TSPAN33: variants seen among roughly 807,000 people sequenced by gnomAD.
TSPAN33 encodes the protein tetraspanin-33.
TSPAN33 carries 27 observed loss-of-function variants against 34.8 expected under a neutral mutation model. That is an observed-to-expected ratio of 0.78 (90% CI 0.57 to 1.07). The LOEUF (loss-of-function observed/expected upper bound fraction) is 1.07, where lower values mean the gene tolerates loss of function less well. Ranked by LOEUF, TSPAN33 falls within the 50% of genes least tolerant of loss-of-function variation. The probability of loss-of-function intolerance (pLI) is 0.00; values close to 1 mark genes in which losing one functional copy is unlikely to be tolerated. For synonymous variants in TSPAN33, 119 were observed against 124.2 expected, an observed-to-expected ratio of 0.96 and a Z score of 0.28; for missense variants, 272 against 324.9, an observed-to-expected ratio of 0.84 and a Z score of 1.25.
chr7:129,146,542 G>T (rs972068272), intron 1 of TSPAN33, among the ~76,000 whole-genome samples: 1 of 152,198 alleles, frequency 6.6e-6, no homozygotes, highest in Non-Finnish European at 1.5e-5. Context: ...GCCGCTGGGG[G>T]AAGTCCTCAG....
intron 1 of TSPAN33, among the ~76,000 whole-genome samples, chr7:129,151,608 T>G (rs1033799951): frequency 1.2e-4 from 18 of 152,136 alleles, no homozygotes; most frequent in African/African-American, 4.3e-4. Context: ...GAATAAGGGT[T>G]TCTCCTTTTA....
chr7:129,167,889 C>T lies in TSPAN33; in HGVS notation c.*15C>T, dbSNP rs753530656. On this transcript the variant is annotated 3_prime_UTR_variant, in exon 8 of 8. Transcript: ENST00000486685. This position sits in a 1 kb window ranked among gnomAD's most constrained non-coding sequence, Gnocchi z 4.6. ...CATGGTACTGAGAATCCATCCTGCA[C>T]CTCCTCACCATGGAAACTGGCAAGC... 8 of 1,613,222 alleles carry T rather than the reference C, an allele frequency of 5.0e-6. No individual in the cohort carries two copies. Among genetic ancestry groups the T allele is most frequent in the Non-Finnish European group, 5.9e-6 (7 of 1,179,690 alleles).
Position 129,161,740 on chromosome 7 carries a change from A to G in TSPAN33, c.160+4A>G, listed in dbSNP as rs759696996. On this transcript the variant is annotated splice_donor_region_variant and intron_variant, in intron 2 of 7. Transcript: ENST00000486685. ...GCTCGGCTAATGAAGCATGCAGGTG[A>G]GCTGTAGCTCTCCCTCCCTGCCCCC... The G allele has an allele frequency of 6.2e-7, 1 of 1,613,972 alleles. No individual in the cohort carries two copies. Among genetic ancestry groups the G allele is most frequent in the South Asian group, 1.1e-5 (1 of 91,074 alleles).
In TSPAN33 at chr7:129,167,892, C is replaced by A; in HGVS notation, c.*18C>A. The A allele has an allele frequency of 6.2e-7, 1 of 1,612,684 alleles. No individual in the cohort carries two copies. Among genetic ancestry groups the A allele is most frequent in the Non-Finnish European group, 8.5e-7 (1 of 1,179,490 alleles). On this transcript the variant is annotated 3_prime_UTR_variant, in exon 8 of 8. Coordinates refer to ENST00000486685, the MANE Select transcript of TSPAN33 (RefSeq NM_178562.5). The surrounding 1 kb of genome is among the most constrained non-coding windows in gnomAD (Gnocchi z 4.6). ...GGTACTGAGAATCCATCCTGCACCT[C>A]CTCACCATGGAAACTGGCAAGCCTC...
In TSPAN33 at chr7:129,148,419, A is replaced by G. The variant is rs1458382714; in HGVS notation, c.102+3337A>G. Among the ~76,000 whole-genome samples the G allele has an allele frequency of 6.6e-6, 1 of 151,870 alleles. No homozygotes were observed. The highest frequency in any genetic ancestry group is 2.4e-5 in the African/African-American group (1 of 41,310). On this transcript the variant is annotated intron_variant, in intron 1 of 7. Transcript: ENST00000486685. The surrounding 1 kb of genome is among the most constrained non-coding windows in gnomAD (Gnocchi z 4.2). ...CTCGAGGGTGGGCACGGCCCTATTC[A>G]CTTCTGGATCCCCAGTGCCCAGCTG...
Position 129,167,704 on chromosome 7 carries a change from A to T in TSPAN33, c.751-69A>T, listed in dbSNP as rs1351668236. On this transcript the variant is annotated intron_variant, in intron 7 of 7. Transcript: ENST00000486685. The surrounding 1 kb of genome is among the most constrained non-coding windows in gnomAD (Gnocchi z 4.6). ...AAGGGATAGTGCTGGCCGCACTGGGAAGATCGAGCCAGGGAAAACAAGGCC... is the reference window on the plus strand; with the variant it reads ...AAGGGATAGTGCTGGCCGCACTGGGTAGATCGAGCCAGGGAAAACAAGGCC... 1.3e-6 allele frequency: 2 copies of T among 1,583,554 alleles called. No individual in the cohort carries two copies. The highest frequency in any genetic ancestry group is 3.3e-5 in the Admixed American group (2 of 59,766).
intron 1 of TSPAN33, among the ~76,000 whole-genome samples, chr7:129,151,374 C>G (rs1810591558): frequency 6.6e-6 from 1 of 152,152 alleles, no homozygotes; most frequent in Non-Finnish European, 1.5e-5. Flanking sequence ...CTCACTTTGG[C>G]CTCCCAAAGT....
At chr7:129,153,118 A>C (rs1034544482) in intron 1 of TSPAN33, among the ~76,000 whole-genome samples, 1 of 152,080 alleles carries the variant, frequency 6.6e-6, no homozygotes, top group African/African-American at 2.4e-5. Flanking sequence ...TAAGTGAAAG[A>C]AGCCGGACAC....
chr7:129,162,707 C>A, intron 3 of TSPAN33, 126 bp from the exon 4 acceptor site: 1 of 1,400,982 alleles, frequency 7.1e-7, no homozygotes, highest in Non-Finnish European at 9.8e-7. Flanking sequence ...GTCCCAGAGG[C>A]AGCTGCCTTT....
rs556196758 is a variant in TSPAN33, at chr7:129,167,079, T to G, written c.588+173T>G. Among the ~76,000 whole-genome samples, 3 of 152,358 alleles carry G rather than the reference T, an allele frequency of 2.0e-5. No individual in the cohort carries two copies. Among genetic ancestry groups the G allele is most frequent in the Admixed American group, 6.5e-5 (1 of 15,304 alleles). ...GATGCTTCTATTAACCTCATACTCATGTAGTCCACATGGAGTTCAGAAGGG... is the reference window on the plus strand; with the variant it reads ...GATGCTTCTATTAACCTCATACTCAGGTAGTCCACATGGAGTTCAGAAGGG... On this transcript the variant is annotated intron_variant, in intron 6 of 7. Coordinates refer to ENST00000486685, the MANE Select transcript of TSPAN33 (RefSeq NM_178562.5). This position sits in a 1 kb window ranked among gnomAD's most constrained non-coding sequence, Gnocchi z 4.6.
chr7:129,157,343 G>A (rs1810676734), intron 1 of TSPAN33, among the ~76,000 whole-genome samples: 1 of 152,242 alleles, frequency 6.6e-6, no homozygotes, highest in East Asian at 1.9e-4. Context: ...TGGAATGGCA[G>A]TAGCTTTGAG....
rs184339174 is a variant in TSPAN33, at chr7:129,165,868, C to T, written c.460-910C>T. On this transcript the variant is annotated intron_variant, in intron 5 of 7. Coordinates refer to ENST00000486685, the MANE Select transcript of TSPAN33 (RefSeq NM_178562.5). The surrounding 1 kb of genome is among the most constrained non-coding windows in gnomAD (Gnocchi z 4.5). ...GAGGTTGCAGTGAGCCAAGATCATG[C>T]CATTGCACTCCAGCCTGGGTGACAG... Among the ~76,000 whole-genome samples, 1 of 152,098 alleles carries T rather than the reference C, an allele frequency of 6.6e-6. No individual in the cohort carries two copies. Among genetic ancestry groups the T allele is most frequent in the East Asian group, 1.9e-4 (1 of 5,140 alleles).
At position 129,156,338 on chromosome 7, in the gene TSPAN33, T is replaced by C. The variant is rs1810664369; in HGVS notation, c.103-5341T>C. 2.0e-5 allele frequency among the ~76,000 whole-genome samples: 3 copies of C among 152,156 alleles called. No homozygotes were observed. The South Asian group carries it at 6.2e-4, about 32-fold the overall frequency. ...CCTCGATCGCCTGGATGAAGTAGTG[T>C]TTATCAGGTTCCTCCGCTGTAGAGT... On this transcript the variant is annotated intron_variant, in intron 1 of 7. Coordinates refer to ENST00000486685, the MANE Select transcript of TSPAN33 (RefSeq NM_178562.5).
rs117610284 is a variant in TSPAN33 at position 129,169,170 on chromosome 7, A to G, written c.*1296A>G. On this transcript the variant is annotated 3_prime_UTR_variant, in exon 8 of 8. Coordinates refer to ENST00000486685, the MANE Select transcript of TSPAN33 (RefSeq NM_178562.5). Reference sequence around the variant, plus strand: ...CACTCCGCTGGGGCCGGGACGGGGAATGAGGAGGAAGAAGGCCCTCTCTTC... The same window carrying G: ...CACTCCGCTGGGGCCGGGACGGGGAGTGAGGAGGAAGAAGGCCCTCTCTTC... Among the ~76,000 whole-genome samples the G allele has an allele frequency of 0.015, 2,214 of 152,204 alleles. 20 individuals are homozygous for G. The highest frequency in any genetic ancestry group is 0.026 in the South Asian group (127 of 4,828).
At chr7:129,161,861 C>T (rs943229589) in intron 2 of TSPAN33, 125 bp downstream of exon 2, 3 of 1,186,210 alleles carry the variant, frequency 2.5e-6, no homozygotes, top group African/African-American at 1.5e-5. Context: ...GGAGCCAAAT[C>T]TTCATGGTCT....
Position 129,144,973 on chromosome 7 carries a change from G to T in TSPAN33, c.-8G>T, listed in dbSNP as rs1810497544. The T allele has an allele frequency of 1.6e-6, 1 of 618,318 alleles. No homozygotes were observed. Among genetic ancestry groups the T allele is most frequent in the East Asian group, 3.4e-5 (1 of 29,390 alleles). The allele number at this position is 618,318 out of a possible 1,614,324, so 38.3% of individuals were successfully genotyped here. A position where few individuals can be genotyped will look rare whatever the true frequency, so the allele number is the denominator to read the frequency against. ...TAGGCCCCCGGGGGCGGTGGCGGCG[G>T]CGGGGCCATGGCGCGGAGACCCCGG... On this transcript the variant is annotated 5_prime_UTR_variant, in exon 1 of 8. Coordinates refer to ENST00000486685, the MANE Select transcript of TSPAN33 (RefSeq NM_178562.5).
chr7:129,150,045 C>T (rs1479247717), intron 1 of TSPAN33, among the ~76,000 whole-genome samples: 2 of 152,238 alleles, frequency 1.3e-5, no homozygotes, highest in East Asian at 3.8e-4. Flanking sequence ...TCCCTCTGGG[C>T]AGGGACAGGG....
intron 1 of TSPAN33, among the ~76,000 whole-genome samples, chr7:129,151,437 G>A (rs191975137): frequency 6.6e-6 from 1 of 152,016 alleles, no homozygotes; most frequent in Non-Finnish European, 1.5e-5. Context: ...GATCTTAAAT[G>A]CAATCCAGTA....
At position 129,165,631 on chromosome 7, in the gene TSPAN33, C is replaced by T. The variant is rs1329167642; in HGVS notation, c.459+1062C>T. Among the ~76,000 whole-genome samples, 1 of 152,170 alleles carries T rather than the reference C, an allele frequency of 6.6e-6. No individual in the cohort carries two copies. The highest frequency in any genetic ancestry group is 1.5e-5 in the Non-Finnish European group (1 of 68,040). Reference sequence around the variant, plus strand: ...ATGAATCAAAAGTTAACAATTAGGCCAGGCATGGTAGCTTACATCTGTAAT... The same window carrying T: ...ATGAATCAAAAGTTAACAATTAGGCTAGGCATGGTAGCTTACATCTGTAAT... On this transcript the variant is annotated intron_variant, in intron 5 of 7. Coordinates refer to ENST00000486685, the MANE Select transcript of TSPAN33 (RefSeq NM_178562.5). The surrounding 1 kb of genome is among the most constrained non-coding windows in gnomAD (Gnocchi z 4.5).
Sources: allele counts gnomAD v4.1 joint callset (sites outside exome capture counted in the v4.1 genomes callset), GRCh38; gene constraint gnomAD v4.1.1; non-coding constraint Gnocchi (gnomAD v3.1); transcripts MANE v1.5; gene names NCBI Gene and HGNC (gene_info 2026-07-23, HGNC 2026-07-21).